Variants in FRMD6 observed in about 807,000 individuals in gnomAD.
FRMD6 encodes the protein FERM domain containing 6, also known as FERM domain-containing protein 6.
FRMD6 carries 37 observed loss-of-function variants against 73.2 expected under a neutral mutation model. The observed-to-expected ratio is 0.51, with a 90% CI of 0.39 to 0.66. The LOEUF (loss-of-function observed/expected upper bound fraction) is 0.66. FRMD6 is among the 30% of genes least tolerant of loss of function. The probability of loss-of-function intolerance (pLI) is 0.00; values close to 1 mark genes in which losing one functional copy is unlikely to be tolerated. For synonymous variants in FRMD6, 273 were observed against 282.2 expected (o/e 0.97, Z 0.33); for missense variants, 714 against 780.5 (o/e 0.91, Z 1.02).
intron 1 of FRMD6, among the ~76,000 whole-genome samples, chr14:51,514,123 C>G (rs575393746): frequency 4.8e-4 from 73 of 152,166 alleles, no homozygotes; most frequent in Non-Finnish European, 8.4e-4. Flanking sequence ...TGTAATCTCT[C>G]CCCCACATGA....
At chr14:51,520,049 GA>G (rs992589837) in intron 1 of FRMD6, among the ~76,000 whole-genome samples, 1 of 151,988 alleles carries the variant, frequency 6.6e-6, no homozygotes, top group Non-Finnish European at 1.5e-5. Context: ...AACAAAATGG[GA>G]AAAAAATATT....
intron 1 of FRMD6, among the ~76,000 whole-genome samples, chr14:51,660,696 T>C (rs1413490147): frequency 1.3e-5 from 2 of 150,598 alleles, no homozygotes; most frequent in African/African-American, 4.9e-5. Flanking sequence ...AGTGTTGTAG[T>C]ATTTTGGAAG....
intron 2 of FRMD6, among the ~76,000 whole-genome samples, chr14:51,619,908 C>T (rs928427320): frequency 6.6e-6 from 1 of 152,144 alleles, no homozygotes; most frequent in Non-Finnish European, 1.5e-5. Context: ...CTTATGACAG[C>T]TGTATTCAAG....
At chr14:51,709,033 C>G (rs890380120) in intron 7 of FRMD6, among the ~76,000 whole-genome samples, 2 of 152,142 alleles carry the variant, frequency 1.3e-5, no homozygotes, top group African/African-American at 4.8e-5. Flanking sequence ...TCTATATCAT[C>G]TTGTCTTCTC....
intron 2 of FRMD6, among the ~76,000 whole-genome samples, chr14:51,642,793 T>C (rs903800349): frequency 3.3e-5 from 5 of 152,196 alleles, no homozygotes; most frequent in African/African-American, 9.7e-5. Context: ...GACTAGAGAT[T>C]AGGTTTTGTT....
chr14:51,720,482 T>G, intron 11 of FRMD6, 92 bp downstream of exon 11: 1 of 1,122,962 alleles, frequency 8.9e-7, no homozygotes, highest in Non-Finnish European at 1.3e-6. Flanking sequence ...AGAGCAACTT[T>G]AGGCAGTAGT....
the FRMD6 span, among the ~76,000 whole-genome samples, chr14:51,457,232 C>G: frequency 6.6e-6 from 1 of 152,064 alleles, no homozygotes; most frequent in Admixed American, 6.5e-5. Flanking sequence ...ATCAAAGCAT[C>G]ACAATATATC....
At chr14:51,473,287 CTT>C in the FRMD6 span, among the ~76,000 whole-genome samples, 1 of 152,188 alleles carries the variant, frequency 6.6e-6, no homozygotes, top group Non-Finnish European at 1.5e-5. Context: ...CATGGCCTAT[CTT>C]ATTTTAAAAG....
chr14:51,636,961 T>A (rs866889784), intron 2 of FRMD6, among the ~76,000 whole-genome samples: 1 of 152,210 alleles, frequency 6.6e-6, no homozygotes, highest in Non-Finnish European at 1.5e-5. Context: ...CAGTGGCTCA[T>A]GCCTGTAATC....
At chr14:51,721,730 G>GGGA (rs1897600623) in intron 11 of FRMD6, among the ~76,000 whole-genome samples, 1 of 115,732 alleles carries the variant, frequency 8.6e-6, no homozygotes, top group African/African-American at 3.7e-5. Context: ...GAGGGAGGAA[G>GGGA]GGAGGGAGGA....
intron 6 of FRMD6, 142 bp from the exon 7 acceptor site, chr14:51,707,935 GA>G: frequency 1.4e-6 from 1 of 691,800 alleles, no homozygotes; most frequent in Non-Finnish European, 2.4e-6. Context: ...AACAGATGGT[GA>G]AAACAGAATG....
At chr14:51,622,833 T>G (rs1890973401) in intron 2 of FRMD6, among the ~76,000 whole-genome samples, 1 of 152,198 alleles carries the variant, frequency 6.6e-6, no homozygotes, top group Non-Finnish European at 1.5e-5. Flanking sequence ...TGGCACAGTC[T>G]TGGCTCACTG....
chr14:51,645,137 A>G lies in FRMD6; in HGVS notation c.-146-44554A>G, dbSNP rs558855181. On this transcript the variant is annotated intron_variant, in intron 2 of 14. Transcript: ENST00000356218. ...AAAATCTAACCACTACCTTGCCTGT[A>G]GAAAACTTTCTTAATATTTTCTGGC... Among the ~76,000 whole-genome samples, 17 of 152,352 alleles carry G rather than the reference A, an allele frequency of 1.1e-4. No homozygotes were observed. The South Asian group carries it at 1.7e-3, about 15-fold the overall frequency.
chr14:51,463,404 G>T, the FRMD6 span, among the ~76,000 whole-genome samples: 1 of 152,182 alleles, frequency 6.6e-6, no homozygotes, highest in African/African-American at 2.4e-5. Flanking sequence ...ATTCAGTGTA[G>T]TACTTGGTGC....
At chr14:51,601,661 A>G (rs1054460637) in intron 2 of FRMD6, among the ~76,000 whole-genome samples, 3 of 152,242 alleles carry the variant, frequency 2.0e-5, no homozygotes, top group African/African-American at 4.8e-5. Context: ...AAGTAAAACC[A>G]TGAAGTAGTG....
At chr14:51,634,406 T>C (rs1290135203) in intron 2 of FRMD6, among the ~76,000 whole-genome samples, 1 of 152,234 alleles carries the variant, frequency 6.6e-6, no homozygotes, top group Admixed American at 6.5e-5. Context: ...AATTAATGAA[T>C]GAATGCTTAT....
chr14:51,570,219 T>C (rs1460297181), intron 1 of FRMD6: 1 of 152,186 alleles, frequency 6.6e-6, no homozygotes, highest in Non-Finnish European at 1.5e-5. Context: ...CTAATAAAAA[T>C]GGTGGAGAAA....
chr14:51,646,710 T>G (rs1365129944), intron 2 of FRMD6, among the ~76,000 whole-genome samples: 1 of 151,042 alleles, frequency 6.6e-6, no homozygotes, highest in African/African-American at 2.4e-5. Flanking sequence ...CCCTTCTGCT[T>G]GACATTTTTC....
intron 1 of FRMD6, among the ~76,000 whole-genome samples, chr14:51,514,672 A>G (rs1884518325): frequency 1.3e-5 from 2 of 151,982 alleles, no homozygotes; most frequent in South Asian, 2.1e-4. Flanking sequence ...ATATGATGAA[A>G]CCCTGTCTCT....
Sources: allele counts gnomAD v4.1 joint callset (sites outside exome capture counted in the v4.1 genomes callset), GRCh38; gene constraint gnomAD v4.1.1; transcripts MANE v1.5; gene names NCBI Gene and HGNC (gene_info 2026-07-23, HGNC 2026-07-21).